Variants in FBLN2 observed in about 807,000 individuals in gnomAD.
FBLN2 encodes the protein fibulin-2.
A neutral mutation model predicts 123.7 loss-of-function variants in FBLN2; 81 were observed. That is an observed-to-expected ratio of 0.65 (90% CI 0.55 to 0.79). The LOEUF (loss-of-function observed/expected upper bound fraction) is 0.79, where lower values mean the gene tolerates loss of function less well. FBLN2 is among the 30% of genes least tolerant of loss of function. The pLI is 0.00. For missense variants in FBLN2, 1,603 were observed against 1,681.3 expected (o/e 0.95, Z 0.81); for synonymous variants, 699 against 701.4 (o/e 1.00, Z 0.05).
At chr3:13,628,810 C>T in intron 11 of FBLN2, 95 bp from the exon 12 acceptor site, 1 of 1,454,616 alleles carries the variant, frequency 6.9e-7, no homozygotes, top group East Asian at 2.5e-5. Context: ...GGTCTGGAGC[C>T]CAGGACCGAC....
At position 13,637,728 on chromosome 3, in the gene FBLN2, A is replaced by G. The variant is rs751658242; in HGVS notation, c.3505A>G (p.Ile1169Val). Residue 1169 changes from isoleucine (I) to valine (V), a missense_variant, in exon 18 of 18, where the codon ATC becomes GTC. Physicochemically the swap from Ile to Val is conservative, Grantham distance 29. Coordinates refer to ENST00000404922, the MANE Select transcript of FBLN2 (RefSeq NM_001004019.2). Reference protein sequence around the residue: ...FTGDTIALNIIKGNEEGYFGT... With the variant: ...FTGDTIALNIVKGNEEGYFGT... ...GGGGGACACCATCGCCCTGAACATC[A>G]TCAAGGGCAATGAGGAGGGCTACTT... 8.7e-6 allele frequency: 14 copies of G among 1,613,874 alleles called. No individual in the cohort carries two copies. Among genetic ancestry groups the G allele is most frequent in the Non-Finnish European group, 1.2e-5 (14 of 1,179,868 alleles).
At chr3:13,579,686 G>A (rs887722167) in intron 2 of FBLN2, among the ~76,000 whole-genome samples, 5 of 152,162 alleles carry the variant, frequency 3.3e-5, no homozygotes, top group Non-Finnish European at 7.3e-5. Flanking sequence ...TTGATTTACC[G>A]GTTCCCTTAC....
At chr3:13,560,329 C>T (rs1033652641) in intron 1 of FBLN2, among the ~76,000 whole-genome samples, 2 of 152,116 alleles carry the variant, frequency 1.3e-5, no homozygotes, top group African/African-American at 4.8e-5. Flanking sequence ...TTCATGAGCT[C>T]ACCCTGTTGA....
chr3:13,628,971 G>A lies in FBLN2; in HGVS notation c.2636G>A (p.Gly879Asp). 6.2e-6 allele frequency: 10 copies of A among 1,613,572 alleles called. No individual in the cohort carries two copies. Among genetic ancestry groups the A allele is most frequent in the Non-Finnish European group, 8.5e-6 (10 of 1,179,770 alleles). ...GGCTTCAGCTGCATCAACACGGTGGGCTCCTACACATGCCAGAGGAACCCG... is the reference window on the plus strand; with the variant it reads ...GGCTTCAGCTGCATCAACACGGTGGACTCCTACACATGCCAGAGGAACCCG... ...RPGFSCINTVGSYTCQRNPLI... is the reference protein window; with the variant it reads ...RPGFSCINTVDSYTCQRNPLI... Residue 879 changes from glycine to aspartate, a missense_variant, in exon 12 of 18, where the codon GGC (glycine) becomes GAC (aspartate). By Grantham distance (94) the Gly-to-Asp change is moderately conservative. Coordinates refer to ENST00000404922, the MANE Select transcript of FBLN2 (RefSeq NM_001004019.2).
At chr3:13,619,867 C>T (rs761528770) in intron 8 of FBLN2, 36 bp downstream of exon 8, 1 of 1,542,616 alleles carries the variant, frequency 6.5e-7, no homozygotes, top group African/African-American at 1.4e-5. Flanking sequence ...CCTGTGCAAA[C>T]CTGAGTTGGC....
Position 13,571,511 on chromosome 3 carries a change from C to T in FBLN2, c.1156C>T (p.His386Tyr), listed in dbSNP as rs200450669. Residue 386 changes from histidine (H) to tyrosine (Y), a missense_variant, in exon 2 of 18, where the codon CAC becomes TAC. Physicochemically the swap from His to Tyr is moderately conservative, Grantham distance 83. Coordinates refer to ENST00000404922, the MANE Select transcript of FBLN2 (RefSeq NM_001004019.2). ...CAGGGACCCAGTCAAGCCCAGCCCC[C>T]ACAACATCCTGTCCACATCACTGCC... Reference protein sequence around the residue: ...SPRDPVKPSPHNILSTSLPDA... With the variant: ...SPRDPVKPSPYNILSTSLPDA... The T allele has an allele frequency of 5.6e-6, 9 of 1,613,554 alleles. No homozygotes were observed. Among genetic ancestry groups the T allele is most frequent in the Admixed American group, 3.3e-5 (2 of 59,990 alleles).
At chr3:13,579,653 C>A (rs1256485508) in intron 2 of FBLN2, among the ~76,000 whole-genome samples, 1 of 152,222 alleles carries the variant, frequency 6.6e-6, no homozygotes, top group Non-Finnish European at 1.5e-5. Flanking sequence ...GCCGTGGTGC[C>A]CCACAGCATG....
chr3:13,636,676 C>T, intron 17 of FBLN2, 108 bp downstream of exon 17: 2 of 1,340,934 alleles, frequency 1.5e-6, no homozygotes, highest in South Asian at 1.5e-5. Context: ...CCCTCTCGTC[C>T]CAGCCCCTGA....
In FBLN2 at chr3:13,609,626, G is replaced by C; in HGVS notation, c.1532G>C (p.Gly511Ala). Residue 511 changes from glycine (G) to alanine (A), a missense_variant, in exon 4 of 18, where the codon GGC becomes GCC. Coordinates refer to ENST00000404922, the MANE Select transcript of FBLN2 (RefSeq NM_001004019.2). ...GGGGCTGAGGACAACGACAGCTGCGGCATCTCCCTGTACAAGGCAAGCCTG... is the reference window on the plus strand; with the variant it reads ...GGGGCTGAGGACAACGACAGCTGCGCCATCTCCCTGTACAAGGCAAGCCTG... ...TCGAEDNDSC[G>A]ISLYKQCCDC... 7.5e-7 allele frequency: 1 copy of C among 1,335,930 alleles called. No homozygotes were observed. The highest frequency in any genetic ancestry group is 9.8e-7 in the Non-Finnish European group (1 of 1,016,528). The allele number at this position is 1,335,930 out of a possible 1,614,324, so 82.8% of individuals were successfully genotyped here. A position where few individuals can be genotyped will look rare whatever the true frequency, so the allele number is the denominator to read the frequency against.
intron 1 of FBLN2, among the ~76,000 whole-genome samples, chr3:13,555,891 G>A (rs557459791): frequency 2.8e-4 from 42 of 152,362 alleles, no homozygotes; most frequent in African/African-American, 9.1e-4. Context: ...ATCACCGAGC[G>A]TTGGTGCTTG....
At chr3:13,617,171 C>CATCCATCCATCT (rs1553621519) in intron 5 of FBLN2, among the ~76,000 whole-genome samples, 109 of 151,534 alleles carry the variant, frequency 7.2e-4, no homozygotes, top group African/African-American at 2.5e-3. Context: ...TCCATCCATC[C>CATCCATCCATCT]ATCCATCTAT....
intron 9 of FBLN2, among the ~76,000 whole-genome samples, chr3:13,626,128 T>A (rs1260802141): frequency 6.6e-6 from 1 of 152,126 alleles, no homozygotes; most frequent in Non-Finnish European, 1.5e-5. Flanking sequence ...CATCACCACC[T>A]CCATTTATGT....
intron 2 of FBLN2, among the ~76,000 whole-genome samples, chr3:13,578,807 C>A (rs182668002): frequency 1.3e-5 from 2 of 152,320 alleles, no homozygotes; most frequent in African/African-American, 2.4e-5. Context: ...GTAATCCCAG[C>A]ACTTTGGGAG....
chr3:13,553,948 C>T (rs762824889), intron 1 of FBLN2, among the ~76,000 whole-genome samples: 1 of 152,240 alleles, frequency 6.6e-6, no homozygotes, highest in Non-Finnish European at 1.5e-5. Flanking sequence ...CAGGAAGAGC[C>T]TTGAAACAGG....
chr3:13,636,893 G>A (rs778634298), intron 17 of FBLN2, among the ~76,000 whole-genome samples: 3 of 152,354 alleles, frequency 2.0e-5, no homozygotes, highest in Non-Finnish European at 4.4e-5. Flanking sequence ...GTCACGCAGT[G>A]TCTGAGGGCT....
At position 13,575,787 on chromosome 3, in the gene FBLN2, C is replaced by G. The variant is rs933426357; in HGVS notation, c.1306+4126C>G. ...GCCTGGCTGCATGCCCTCCCTGGCA[C>G]ACGTGCACTTCATTACACACTCCAC... On this transcript the variant is annotated intron_variant, in intron 2 of 17. Coordinates refer to ENST00000404922, the MANE Select transcript of FBLN2 (RefSeq NM_001004019.2). 2.6e-5 allele frequency among the ~76,000 whole-genome samples: 4 copies of G among 152,144 alleles called. No individual in the cohort carries two copies. The East Asian group carries it at 7.7e-4, about 29-fold the overall frequency.
chr3:13,629,998 G>C (rs1706200468), intron 14 of FBLN2, 53 bp downstream of exon 14: 1 of 1,593,342 alleles, frequency 6.3e-7, no homozygotes, highest in South Asian at 1.1e-5. Flanking sequence ...GTAGTGGGCA[G>C]ACCCGCCGTG....
chr3:13,627,680 T>G (rs1168152136), intron 10 of FBLN2, among the ~76,000 whole-genome samples, 152 bp from the exon 11 acceptor site: 1 of 152,234 alleles, frequency 6.6e-6, no homozygotes, highest in African/African-American at 2.4e-5. Flanking sequence ...ACAAAGGCCA[T>G]GCCGGCAACA....
chr3:13,630,057 AC>A, intron 14 of FBLN2, 112 bp downstream of exon 14: 1 of 1,443,346 alleles, frequency 6.9e-7, no homozygotes, highest in Non-Finnish European at 9.4e-7. Flanking sequence ...CTTCACCCTC[AC>A]ACCTTCACCC....
Sources: gnomAD v4.1 joint callset for allele counts (sites outside exome capture counted in the v4.1 genomes callset) on GRCh38, gnomAD v4.1.1 for gene constraint, MANE v1.5 for transcripts, NCBI Gene and HGNC (gene_info 2026-07-23, HGNC 2026-07-21) for gene names.